Variants in PTN observed in about 807,000 individuals in gnomAD.
The protein encoded by PTN is heparin affin regulatory protein.
A neutral mutation model predicts 24.1 loss-of-function variants in PTN; 18 were observed. The observed-to-expected ratio is 0.75, with a 90% confidence interval of 0.52 to 1.11. The LOEUF is 1.11. PTN is among the 50% of genes least tolerant of loss of function. The probability of loss-of-function intolerance (pLI) is 0.00; values close to 1 mark genes in which losing one functional copy is unlikely to be tolerated. For missense variants in PTN, 163 were observed against 198.8 expected (o/e 0.82, Z 1.08); for synonymous variants, 78 against 68.6 (o/e 1.14, Z -0.67).
At chr7:137,330,402 A>G (rs1810332764) in intron 1 of PTN, among the ~76,000 whole-genome samples, 2 of 152,160 alleles carry the variant, frequency 1.3e-5, no homozygotes, top group South Asian at 4.1e-4. Flanking sequence ...TCTGAACTGA[A>G]ACAGAATGTT....
At chr7:137,246,189 T>C (rs1002499357) in intron 4 of PTN, among the ~76,000 whole-genome samples, 3 of 152,206 alleles carry the variant, frequency 2.0e-5, no homozygotes, top group Non-Finnish European at 2.9e-5. Flanking sequence ...ATTTTTTTCT[T>C]TTATACCATA....
chr7:137,273,235 G>T (rs1357478378), intron 1 of PTN, among the ~76,000 whole-genome samples: 1 of 152,128 alleles, frequency 6.6e-6, no homozygotes, highest in African/African-American at 2.4e-5. Flanking sequence ...AATGGCCTTG[G>T]TAGCCAATAT....
intron 1 of PTN, among the ~76,000 whole-genome samples, chr7:137,307,980 T>G (rs946279866): frequency 3.2e-4 from 49 of 152,170 alleles, no homozygotes; most frequent in African/African-American, 1.2e-3. Flanking sequence ...CAGCTTCATC[T>G]GTTCATGAAA....
chr7:137,278,434 T>C (rs1229826505), intron 1 of PTN, among the ~76,000 whole-genome samples: 1 of 151,846 alleles, frequency 6.6e-6, no homozygotes, highest in East Asian at 1.9e-4. Flanking sequence ...ATATATATAT[T>C]TTCTAAAAGG....
At chr7:137,331,191 A>G (rs897838743) in intron 1 of PTN, among the ~76,000 whole-genome samples, 1 of 152,090 alleles carries the variant, frequency 6.6e-6, no homozygotes, top group Non-Finnish European at 1.5e-5. Flanking sequence ...GCCTGCTTTT[A>G]GGAAATGTGG....
chr7:137,307,408 T>A (rs904796845), intron 1 of PTN, among the ~76,000 whole-genome samples: 1 of 152,026 alleles, frequency 6.6e-6, no homozygotes, highest in Non-Finnish European at 1.5e-5. Flanking sequence ...ATAGAAAAAA[T>A]CACTACACAA....
intron 1 of PTN, among the ~76,000 whole-genome samples, chr7:137,289,511 T>G (rs144370926): frequency 6.6e-6 from 1 of 152,302 alleles, no homozygotes; most frequent in Non-Finnish European, 1.5e-5. Flanking sequence ...AAAATAGGGA[T>G]ATTATCTAGG....
At chr7:137,305,761 T>A (rs1181483376) in intron 1 of PTN, among the ~76,000 whole-genome samples, 1 of 152,024 alleles carries the variant, frequency 6.6e-6, no homozygotes, top group African/African-American at 2.4e-5. Flanking sequence ...TGAGCTCAAA[T>A]CAAGTGGCAA....
intron 1 of PTN, among the ~76,000 whole-genome samples, chr7:137,286,957 G>C (rs888207292): frequency 1.3e-4 from 20 of 152,126 alleles, no homozygotes; most frequent in African/African-American, 4.3e-4. Context: ...TAAAATTGAA[G>C]ATTTAATAGA....
intron 2 of PTN, among the ~76,000 whole-genome samples, chr7:137,254,251 C>T (rs907664657): frequency 4.0e-5 from 6 of 150,588 alleles, no homozygotes; most frequent in South Asian, 2.1e-4. Context: ...GAGTTGAGAT[C>T]GCACCACTGC....
intron 4 of PTN, among the ~76,000 whole-genome samples, chr7:137,233,189 C>A (rs1010544637): frequency 1.3e-5 from 2 of 151,772 alleles, no homozygotes; most frequent in African/African-American, 4.8e-5. Flanking sequence ...CCTTTAGGTA[C>A]GGTGAGACAA....
At chr7:137,333,874 C>T (rs1361923506) in intron 1 of PTN, among the ~76,000 whole-genome samples, 2 of 152,108 alleles carry the variant, frequency 1.3e-5, no homozygotes, top group Admixed American at 1.3e-4. Context: ...ACAGAGCCCT[C>T]AGAAATAACA....
chr7:137,233,811 G>T (rs1330758927), intron 4 of PTN, among the ~76,000 whole-genome samples: 1 of 151,388 alleles, frequency 6.6e-6, no homozygotes, highest in Non-Finnish European at 1.5e-5. Context: ...TCCTCTTGGG[G>T]TTATTTCATT....
intron 1 of PTN, among the ~76,000 whole-genome samples, chr7:137,332,991 G>A (rs1020209878): frequency 7.9e-5 from 12 of 152,176 alleles, no homozygotes; most frequent in Admixed American, 5.9e-4. Flanking sequence ...CAAACCTTAT[G>A]TTGAAATTTG....
chr7:137,291,744 A>C, intron 1 of PTN, among the ~76,000 whole-genome samples: 1 of 152,124 alleles, frequency 6.6e-6, no homozygotes, highest in Admixed American at 6.6e-5. Context: ...CTACTGAAGT[A>C]AGTTAAGGGA....
intron 1 of PTN, among the ~76,000 whole-genome samples, chr7:137,318,336 G>A (rs919189465): frequency 1.3e-5 from 2 of 152,088 alleles, no homozygotes; most frequent in African/African-American, 2.4e-5. Flanking sequence ...GAATGAACCA[G>A]GTATTTCAAC....
chr7:137,252,848 C>T (rs1808852367), intron 3 of PTN, among the ~76,000 whole-genome samples: 1 of 152,108 alleles, frequency 6.6e-6, no homozygotes, highest in Non-Finnish European at 1.5e-5. Context: ...CAGCATAAGA[C>T]TGACTCCAGT....
chr7:137,230,563 A>T (rs1808409840), intron 4 of PTN, among the ~76,000 whole-genome samples: 1 of 151,842 alleles, frequency 6.6e-6, no homozygotes, highest in Non-Finnish European at 1.5e-5. Context: ...AGTTTTTTAC[A>T]TAACAAAGTG....
intron 1 of PTN, among the ~76,000 whole-genome samples, chr7:137,299,733 A>C (rs1387564002): frequency 6.6e-6 from 1 of 151,940 alleles, no homozygotes; most frequent in Non-Finnish European, 1.5e-5. Flanking sequence ...TGAAAGAGAC[A>C]AACATCTTTG....
Sources: gnomAD v4.1 joint callset for allele counts (sites outside exome capture counted in the v4.1 genomes callset) on GRCh38, gnomAD v4.1.1 for gene constraint, MANE v1.5 for transcripts, NCBI Gene and HGNC (gene_info 2026-07-23, HGNC 2026-07-21) for gene names.